The following IL1RAPL1 variants were observed in gnomAD, a reference collection of about 807,000 sequenced individuals.
IL1RAPL1 encodes the protein interleukin-1 receptor accessory protein-like 1.
A neutral mutation model predicts 48.4 loss-of-function variants in IL1RAPL1; 3 were observed. The ratio of observed to expected loss-of-function variants is 0.06; its 90% confidence interval spans 0.03 to 0.16. IL1RAPL1 has a LOEUF of 0.16. Among genes scored for constraint, IL1RAPL1 ranks in the 10% least tolerant of loss-of-function variants. The probability of loss-of-function intolerance (pLI) is 1.00; values close to 1 mark genes in which losing one functional copy is unlikely to be tolerated. For missense variants in IL1RAPL1, 349 were observed against 530.6 expected (o/e 0.66, Z 3.36); for synonymous variants, 185 against 187.7 (o/e 0.99, Z 0.12).
intron 2 of IL1RAPL1, among the ~76,000 whole-genome samples, chrX:29,173,393 G>A (rs914933968): frequency 8.9e-6 from 1 of 111,997 alleles, no homozygotes. Flanking sequence ...TCAGATAATT[G>A]TTTATATTGT....
chrX:29,203,722 A>AATATAGATATATATATATATAGATAT (rs1419764371), intron 2 of IL1RAPL1, among the ~76,000 whole-genome samples: 1 of 78,428 alleles, frequency 1.3e-5, no homozygotes, highest in African/African-American at 5.4e-5. Flanking sequence ...TCCGTCTCAA[A>AATATAGATATATATATATATAGATAT]ATATATATAT....
At chrX:29,123,045 T>G (rs765199735) in intron 2 of IL1RAPL1, among the ~76,000 whole-genome samples, 1 of 82,051 alleles carries the variant, frequency 1.2e-5, no homozygotes, top group Non-Finnish European at 2.3e-5. Flanking sequence ...TTATTTATTT[T>G]TTGAGATGGA....
intron 2 of IL1RAPL1, among the ~76,000 whole-genome samples, chrX:29,159,493 C>T (rs762280908): frequency 1.3e-3 from 142 of 111,628 alleles, no homozygotes; most frequent in African/African-American, 4.4e-3. Flanking sequence ...CATTATTTAC[C>T]AGATCAAAGG....
At chrX:28,739,366 C>T (rs971151519) in intron 1 of IL1RAPL1, among the ~76,000 whole-genome samples, 25 of 111,673 alleles carry the variant, frequency 2.2e-4, no homozygotes, top group African/African-American at 7.5e-4. Flanking sequence ...AGTAGTATGA[C>T]GCTTCATGAA....
At chrX:28,631,167 A>G (rs1375226586) in intron 1 of IL1RAPL1, among the ~76,000 whole-genome samples, 1 of 111,585 alleles carries the variant, frequency 9.0e-6, no homozygotes, top group Non-Finnish European at 1.9e-5. Context: ...TGCCACAGAT[A>G]CCTATTGGCT....
At chrX:29,113,091 G>A (rs986266280) in intron 2 of IL1RAPL1, among the ~76,000 whole-genome samples, 1 of 111,586 alleles carries the variant, frequency 9.0e-6, no homozygotes, top group African/African-American at 3.3e-5. Flanking sequence ...GATTACAGGC[G>A]TGAGCCACCG....
chrX:29,252,292 AAAG>A (rs1328055060), intron 2 of IL1RAPL1, among the ~76,000 whole-genome samples: 1 of 113,651 alleles, frequency 8.8e-6, no homozygotes, highest in Non-Finnish European at 1.9e-5. Context: ...AGAAAAAAAA[AAAG>A]AAAATCAGGG....
At chrX:29,593,319 C>T (rs1258569518) in intron 5 of IL1RAPL1, among the ~76,000 whole-genome samples, 2 of 111,816 alleles carry the variant, frequency 1.8e-5, no homozygotes, top group African/African-American at 3.3e-5. Context: ...TGGTTCCTAC[C>T]AGGTTCGTGG....
At chrX:28,849,404 A>G (rs928884307) in intron 2 of IL1RAPL1, among the ~76,000 whole-genome samples, 11 of 112,093 alleles carry the variant, frequency 9.8e-5, no homozygotes, top group Admixed American at 7.6e-4. Context: ...ATAACATGAC[A>G]TCTTTACTAA....
intron 2 of IL1RAPL1, among the ~76,000 whole-genome samples, chrX:29,036,549 G>T (rs1926736450): frequency 8.9e-6 from 1 of 111,815 alleles, no homozygotes; most frequent in South Asian, 3.7e-4. Context: ...GGAAAATATT[G>T]TCAAGGTTGG....
intron 5 of IL1RAPL1, among the ~76,000 whole-genome samples, chrX:29,466,005 A>C (rs1934858717): frequency 8.9e-6 from 1 of 112,598 alleles, no homozygotes; most frequent in Non-Finnish European, 1.9e-5. Flanking sequence ...CAGCAAATAA[A>C]AATAACTTTT....
chrX:29,546,552 G>A (rs931499884), intron 5 of IL1RAPL1, among the ~76,000 whole-genome samples: 22 of 111,644 alleles, frequency 2.0e-4, no homozygotes, highest in Non-Finnish European at 3.2e-4. Context: ...CAGGCACATG[G>A]ATACTTGTTC....
At chrX:29,312,781 G>A (rs1932745580) in intron 3 of IL1RAPL1, among the ~76,000 whole-genome samples, 1 of 111,225 alleles carries the variant, frequency 9.0e-6, no homozygotes, top group Non-Finnish European at 1.9e-5. Flanking sequence ...TGTTGTGGGA[G>A]GGAGCGGTGG....
chrX:29,678,381 A>T (rs1601775042), intron 6 of IL1RAPL1, among the ~76,000 whole-genome samples: 1 of 66,252 alleles, frequency 1.5e-5, no homozygotes, highest in Non-Finnish European at 2.5e-5. Flanking sequence ...TTTGAGAAGG[A>T]GTCTCGCTGT....
chrX:28,984,842 T>C (rs916458309), intron 2 of IL1RAPL1, among the ~76,000 whole-genome samples: 4 of 111,961 alleles, frequency 3.6e-5, no homozygotes, highest in Non-Finnish European at 5.6e-5. Context: ...TCACCCTTTT[T>C]TCATCCTCTA....
chrX:29,223,303 C>G (rs1357459374), intron 2 of IL1RAPL1, among the ~76,000 whole-genome samples: 1 of 111,496 alleles, frequency 9.0e-6, no homozygotes. Context: ...TCATTTATGT[C>G]TAACTGAAAT....
intron 6 of IL1RAPL1, among the ~76,000 whole-genome samples, chrX:29,759,214 T>C (rs140688314): frequency 2.1e-3 from 234 of 112,368 alleles, no homozygotes; most frequent in African/African-American, 7.4e-3. Context: ...ATTGGTCCTG[T>C]AATTTAATGG....
chrX:28,712,656 T>C (rs1386484515), intron 1 of IL1RAPL1, among the ~76,000 whole-genome samples: 1 of 111,188 alleles, frequency 9.0e-6, no homozygotes, highest in South Asian at 3.8e-4. Context: ...CCAGTAGCGA[T>C]GTATAGGCAA....
chrX:29,927,670 C>A (rs1932902420), intron 8 of IL1RAPL1, among the ~76,000 whole-genome samples: 1 of 111,604 alleles, frequency 9.0e-6, no homozygotes, highest in Admixed American at 9.5e-5. Flanking sequence ...TATGGATATA[C>A]ACATATGTTT....
Sources: allele counts gnomAD v4.1 joint callset (sites outside exome capture counted in the v4.1 genomes callset), GRCh38; gene constraint gnomAD v4.1.1; transcripts MANE v1.5; gene names NCBI Gene and HGNC (gene_info 2026-07-23, HGNC 2026-07-21).